PTGFR: variants seen among roughly 807,000 people sequenced by gnomAD.
The protein encoded by PTGFR is prostaglandin F receptor, also known as prostaglandin F2-alpha receptor.
PTGFR carries 15 observed loss-of-function variants against 26.2 expected under a neutral mutation model. That is an observed-to-expected ratio of 0.57 (90% CI 0.38 to 0.88). PTGFR has a LOEUF of 0.88. Among genes scored for constraint, PTGFR ranks in the 40% least tolerant of loss-of-function variants. The pLI is 0.00. For missense variants in PTGFR, 369 were observed against 427.2 expected (o/e 0.86, Z 1.20); for synonymous variants, 165 against 151.1 (o/e 1.09, Z -0.68).
In PTGFR at chr1:78,493,539, C is replaced by T; in HGVS notation, c.796C>T (p.Leu266=). 6.6e-7 allele frequency: 1 copy of T among 1,525,280 alleles called. No individual in the cohort carries two copies. The allele number at this position is 1,525,280 out of a possible 1,614,324, so 94.5% of individuals were successfully genotyped here. Residue 266 remains leucine (L), a splice_region_variant and synonymous_variant, in exon 2 of 3, where the codon CTG becomes TTG. Coordinates refer to ENST00000370757, the MANE Select transcript of PTGFR (RefSeq NM_000959.4). The stretch of plus-strand genomic sequence containing the variant: ...CTCCTGTATTTGTTGGAGCCCATTT[C>T]TGGTAAGAGCCTGAAGTTTTGACTT... ...CVSCICWSPF[L]VTMANIGING... is the part of the protein sequence containing the mutation.
At chr1:78,497,903 G>T in intron 2 of PTGFR, 1 of 1,593,888 alleles carries the variant, frequency 6.3e-7, no homozygotes, top group Non-Finnish European at 8.6e-7. Context: ...ATGGGAAAGA[G>T]AAATATAAAG....
At chr1:78,530,644 T>C (rs1202597159) in intron 2 of PTGFR, among the ~76,000 whole-genome samples, 1 of 152,182 alleles carries the variant, frequency 6.6e-6, no homozygotes, top group African/African-American at 2.4e-5. Flanking sequence ...AAAGTAGAGA[T>C]AATACTGCTT....
At position 78,493,286 on chromosome 1, in the gene PTGFR, G is replaced by A. The variant is rs775712841; in HGVS notation, c.543G>A (p.Ala181=). 5 of 1,614,054 alleles carry A rather than the reference G, an allele frequency of 3.1e-6. No individual in the cohort carries two copies. Among genetic ancestry groups the A allele is most frequent in the Admixed American group, 1.7e-5 (1 of 60,008 alleles). ...ILGHRDYKIQ[A]SRTWCFYNTE... is the part of the protein sequence containing the mutation. ...GACATCGAGACTATAAAATTCAGGCGTCGAGGACCTGGTGTTTCTACAACA... is the reference window on the plus strand; with the variant it reads ...GACATCGAGACTATAAAATTCAGGCATCGAGGACCTGGTGTTTCTACAACA... The change falls in exon 2 of 3, where the codon GCG becomes GCA. Residue 181 remains alanine, a synonymous_variant. Transcript: ENST00000370757.
At chr1:78,528,924 C>G (rs997373037) in intron 2 of PTGFR, among the ~76,000 whole-genome samples, 4 of 152,148 alleles carry the variant, frequency 2.6e-5, no homozygotes, top group Non-Finnish European at 2.9e-5. Context: ...CTAATACACA[C>G]AGTTTCAATA....
chr1:78,526,058 G>A (rs12097061), intron 2 of PTGFR, among the ~76,000 whole-genome samples: 4 of 151,960 alleles, frequency 2.6e-5, no homozygotes, highest in African/African-American at 9.7e-5. Context: ...TGCTGAGACT[G>A]GTTTGTACTA....
chr1:78,518,332 T>C (rs1650140794), intron 2 of PTGFR, among the ~76,000 whole-genome samples: 1 of 152,098 alleles, frequency 6.6e-6, no homozygotes, highest in African/African-American at 2.4e-5. Flanking sequence ...GTTATGTATC[T>C]ACATTTTTCT....
chr1:78,511,294 G>C (rs1649963887), intron 2 of PTGFR, among the ~76,000 whole-genome samples: 1 of 152,192 alleles, frequency 6.6e-6, no homozygotes. Context: ...TCTTCTGCCT[G>C]GGCACCCAGC....
Position 78,536,595 on chromosome 1 carries a change from T to A in PTGFR, c.988T>A (p.Leu330Ile), listed in dbSNP as rs1570305408. ...ATGCTGTGGAGTGCATGTCATCAGC[T>A]TACATATTTGGGAGCTTAGTTCCAT... ...SQCCGVHVIS[L>I]HIWELSSIKN... The change falls in exon 3 of 3, where the codon TTA becomes ATA. Residue 330 changes from leucine (L) to isoleucine (I), a missense_variant. Leu to Ile is a conservative substitution (Grantham distance 5, BLOSUM62 2). Transcript: ENST00000370757. 6.2e-7 allele frequency: 1 copy of A among 1,613,378 alleles called. No individual in the cohort carries two copies. Among genetic ancestry groups the A allele is most frequent in the Non-Finnish European group, 8.5e-7 (1 of 1,179,518 alleles).
In PTGFR at chr1:78,505,439, A is replaced by C. The variant is rs569175628; in HGVS notation, c.798+11898A>C. 1.1e-3 allele frequency among the ~76,000 whole-genome samples: 172 copies of C among 152,104 alleles called. 3 individuals carry two copies. The highest frequency in any genetic ancestry group is 3.7e-4 in the Non-Finnish European group (25 of 68,008). The stretch of plus-strand genomic sequence containing the variant: ...CGCCTGGCCTATTCTAACTTTTAAA[A>C]ATTTTTGTTTCTACTGTAAATATAA... On this transcript the variant is annotated intron_variant, in intron 2 of 2. Transcript: ENST00000370757.
intron 2 of PTGFR, among the ~76,000 whole-genome samples, chr1:78,502,055 G>A (rs1304143941): frequency 6.6e-6 from 1 of 152,304 alleles, no homozygotes; most frequent in African/African-American, 2.4e-5. Context: ...TAGAAAGGAA[G>A]AGAGAAGAAG....
At chr1:78,528,773 A>G (rs557154919) in intron 2 of PTGFR, among the ~76,000 whole-genome samples, 20 of 152,260 alleles carry the variant, frequency 1.3e-4, no homozygotes, top group Non-Finnish European at 2.6e-4. Flanking sequence ...AAAACAGTGA[A>G]CCAACAAATG....
intron 2 of PTGFR, among the ~76,000 whole-genome samples, chr1:78,494,884 G>A (rs1465569856): frequency 6.6e-6 from 1 of 152,200 alleles, no homozygotes; most frequent in Non-Finnish European, 1.5e-5. Flanking sequence ...GATTACAGGC[G>A]TGAGTCGCCA....
At chr1:78,491,271 G>C (rs974362268) in intron 1 of PTGFR, 35 bp downstream of exon 1, 2 of 152,338 alleles carry the variant, frequency 1.3e-5, no homozygotes, top group Non-Finnish European at 2.9e-5. Context: ...CCAATGCATC[G>C]GCTTCGCTTA....
rs1650705201 is a variant in PTGFR at position 78,538,230 on chromosome 1, A to C, written c.*1543A>C. ...CATGCTGGGTACAATGCTTCTATGAATATTTCCATGTATTTTGACTGGGGA... is the reference window on the plus strand; with the variant it reads ...CATGCTGGGTACAATGCTTCTATGACTATTTCCATGTATTTTGACTGGGGA... On this transcript the variant is annotated 3_prime_UTR_variant, in exon 3 of 3. Transcript: ENST00000370757. The C allele has an allele frequency of 6.6e-6, 1 of 152,066 alleles. No homozygotes were observed. Among genetic ancestry groups the C allele is most frequent in the Admixed American group, 6.6e-5 (1 of 15,228 alleles). The allele number at this position is 152,066 out of a possible 1,614,324, so 9.4% of individuals were successfully genotyped here.
Position 78,537,290 on chromosome 1 carries a change from A to G in PTGFR, c.*603A>G, listed in dbSNP as rs1030327543. 1.3e-5 allele frequency: 2 copies of G among 152,062 alleles called. No individual in the cohort carries two copies. The highest frequency in any genetic ancestry group is 4.8e-5 in the African/African-American group (2 of 41,420). The allele number at this position is 152,062 out of a possible 1,614,324, so 9.4% of individuals were successfully genotyped here. On this transcript the variant is annotated 3_prime_UTR_variant, in exon 3 of 3. Transcript: ENST00000370757. ...TCTAGAATGGGCCCATTCTTGTCAT[A>G]TTTGACAAATAGGACTGCCTACATT...
At chr1:78,534,136 A>G (rs1307122787) in intron 2 of PTGFR, among the ~76,000 whole-genome samples, 3 of 152,190 alleles carry the variant, frequency 2.0e-5, no homozygotes, top group African/African-American at 7.2e-5. Context: ...ATTTTAGAAA[A>G]TAACCCATAT....
intron 2 of PTGFR, among the ~76,000 whole-genome samples, chr1:78,502,286 G>T (rs1181909646): frequency 2.0e-5 from 3 of 152,140 alleles, no homozygotes; most frequent in Admixed American, 6.6e-5. Context: ...AGCAAAAGAT[G>T]TAAGTTATTA....
chr1:78,536,489 A>G lies in PTGFR; in HGVS notation c.882A>G (p.Thr294=), dbSNP rs1483242820. The G allele has an allele frequency of 1.9e-6, 3 of 1,613,022 alleles. No individual in the cohort carries two copies. The highest frequency in any genetic ancestry group is 2.7e-5 in the African/African-American group (2 of 74,912). The stretch of plus-strand genomic sequence containing the variant: ...CACTTTTTGCTCTCCGAATGGCAAC[A>G]TGGAATCAAATCTTAGATCCTTGGG... ...ETTLFALRMA[T]WNQILDPWVY... Residue 294 remains threonine (T), a synonymous_variant, in exon 3 of 3, where the codon ACA becomes ACG. Coordinates refer to ENST00000370757, the MANE Select transcript of PTGFR (RefSeq NM_000959.4).
intron 2 of PTGFR, among the ~76,000 whole-genome samples, chr1:78,503,208 A>G (rs565215716): frequency 6.6e-6 from 1 of 150,576 alleles, no homozygotes; most frequent in Admixed American, 6.6e-5. Flanking sequence ...AAATTTTTCA[A>G]GTAATAAAAT....
Sources: gnomAD v4.1 joint callset for allele counts (sites outside exome capture counted in the v4.1 genomes callset) on GRCh38, gnomAD v4.1.1 for gene constraint, MANE v1.5 for transcripts, NCBI Gene and HGNC (gene_info 2026-07-23, HGNC 2026-07-21) for gene names.